The following SHMT1 variants were observed in gnomAD, a reference collection of about 807,000 sequenced individuals.
SHMT1 encodes serine hydroxymethyltransferase 1, also known as serine hydroxymethyltransferase, cytosolic.
Under a neutral mutation model 49.0 loss-of-function variants are expected in SHMT1, and 45 were observed. That is an observed-to-expected ratio of 0.92 (90% confidence interval 0.72 to 1.18). SHMT1 has a LOEUF of 1.18. Among genes scored for constraint, SHMT1 ranks in the 50% most tolerant of loss-of-function variants. The pLI is 0.00. For synonymous variants in SHMT1, 232 were observed against 246.6 expected (o/e 0.94, Z 0.55); for missense variants, 541 against 612.4 (o/e 0.88, Z 1.23).
chr17:18,347,791 G>A (rs1985250328), intron 4 of SHMT1, 135 bp from the exon 5 acceptor site: 5 of 909,050 alleles, frequency 5.5e-6, no homozygotes, highest in Middle Eastern at 2.8e-4. Flanking sequence ...TCCAGGAGGT[G>A]CCCCTTCACC....
chr17:18,330,402 C>CT (rs1983067180), intron 10 of SHMT1, among the ~76,000 whole-genome samples, 153 bp downstream of exon 10: 1 of 151,186 alleles, frequency 6.6e-6, no homozygotes, highest in African/African-American at 2.5e-5. Flanking sequence ...TCCCAAAGTG[C>CT]CGGGATTACA....
Position 18,330,680 on chromosome 17 carries a change from A to C in SHMT1, c.1055-9T>G, listed in dbSNP as rs1045284553. On this transcript the variant is annotated splice_polypyrimidine_tract_variant and intron_variant, in intron 9 of 11. Transcript: ENST00000316694. ...ATGGTTGTCAGAACCACCTGGAAAC[A>C]AAGTTGGACATGTAGAAATGCAGGC... 6.3e-7 allele frequency: 1 copy of C among 1,587,852 alleles called. No individual in the cohort carries two copies. Among genetic ancestry groups the C allele is most frequent in the African/African-American group, 1.3e-5 (1 of 74,442 alleles).
At position 18,328,786 on chromosome 17, in the gene SHMT1, G is replaced by A. The variant is rs755510805; in HGVS notation, c.1416C>T (p.Ala472=). 4.1e-5 allele frequency: 65 copies of A among 1,598,698 alleles called. No homozygotes were observed. The highest frequency in any genetic ancestry group is 5.5e-5 in the Non-Finnish European group (64 of 1,172,408). The change falls in exon 12 of 12, where the codon GCC becomes GCT. Residue 472 remains alanine, a synonymous_variant. Transcript: ENST00000316694. ...QALREEVESF[A]SLFPLPGLPD... is the part of the protein sequence containing the mutation. ...GCAGGCCAGGCAGAGGGAAGAGAGA[G>A]GCGAAGCTCTCAACCTCCTCCCGGA...
chr17:18,330,553 A>C lies in SHMT1; in HGVS notation c.1171+2T>G. 1 of 1,597,174 alleles carries C rather than the reference A, an allele frequency of 6.3e-7. No individual in the cohort carries two copies. The highest frequency in any genetic ancestry group is 1.1e-5 in the South Asian group (1 of 90,762). ...GAAGGAGAAGGCAAGGATGATTCTC[A>C]CCTGGACAGGTGTTCTTGTTGCAGG... On this transcript the variant is annotated splice_donor_variant, in intron 10 of 11. Transcript: ENST00000316694. LOFTEE classifies it high-confidence loss of function.
At chr17:18,339,937 A>G in intron 7 of SHMT1, 106 bp downstream of exon 7, 3 of 1,107,554 alleles carry the variant, frequency 2.7e-6, no homozygotes, top group Non-Finnish European at 4.0e-6. Context: ...ATATTTTCCA[A>G]GGATCCCAGG....
In SHMT1 at chr17:18,347,650, G is replaced by A. The variant is rs780266045; in HGVS notation, c.365C>T (p.Pro122Leu). The A allele has an allele frequency of 1.2e-6, 2 of 1,614,018 alleles. No individual in the cohort carries two copies. The highest frequency in any genetic ancestry group is 1.7e-6 in the Non-Finnish European group (2 of 1,180,044). The change falls in exon 5 of 12, where the codon CCT becomes CTT. Residue 122 changes from proline to leucine, a missense_variant. Transcript: ENST00000316694. ...GGCAGTGTACACAGCAAAGTTTGCA[G>A]GGGAGCCTGAAACGAGTGGACCAGA... ...GVNVQPYSGS[P>L]ANFAVYTALV...
chr17:18,336,105 C>A (rs764967934), intron 7 of SHMT1, among the ~76,000 whole-genome samples: 2 of 151,838 alleles, frequency 1.3e-5, no homozygotes, highest in Non-Finnish European at 2.9e-5. Flanking sequence ...GGTGAAACCC[C>A]GTCTCTACTA....
intron 1 of SHMT1, among the ~76,000 whole-genome samples, chr17:18,359,571 G>T (rs1986559847): frequency 6.6e-6 from 1 of 151,892 alleles, no homozygotes; most frequent in South Asian, 2.1e-4. Context: ...AGACTTACTT[G>T]AGCCTCAGAG....
chr17:18,362,870 A>G (rs894817898), intron 1 of SHMT1: 1 of 152,264 alleles, frequency 6.6e-6, no homozygotes, highest in African/African-American at 2.4e-5. Flanking sequence ...GGCACGGGCC[A>G]AAAGTGGAGC....
chr17:18,361,180 C>T (rs1986722328), intron 1 of SHMT1, among the ~76,000 whole-genome samples: 2 of 151,444 alleles, frequency 1.3e-5, no homozygotes, highest in African/African-American at 2.4e-5. Context: ...TGGTGCGCAC[C>T]TGTAACCCCA....
chr17:18,347,918 T>G (rs4924850), intron 4 of SHMT1, among the ~76,000 whole-genome samples: 6,024 of 150,110 alleles, frequency 0.04, 309 homozygotes, highest in African/African-American at 0.12. Context: ...ATGGCAGTTT[T>G]TTTTTTTTTT....
chr17:18,343,185 A>G (rs945383532), intron 5 of SHMT1, among the ~76,000 whole-genome samples: 7 of 152,176 alleles, frequency 4.6e-5, no homozygotes, highest in African/African-American at 1.7e-4. Context: ...TGCATCCCAT[A>G]ATTATATATA....
intron 10 of SHMT1, 131 bp from the exon 11 acceptor site, chr17:18,329,519 C>G: frequency 1.3e-6 from 1 of 743,052 alleles, no homozygotes; most frequent in Non-Finnish European, 2.3e-6. Flanking sequence ...AGGAGTACAA[C>G]TGATTCAGAA....
Position 18,361,313 on chromosome 17 carries a change from A to AC in SHMT1, c.-20+2058_-20+2059insG, listed in dbSNP as rs1308628217. Among the ~76,000 whole-genome samples the AC allele has an allele frequency of 3.7e-4, 55 of 149,778 alleles. 2 individuals are homozygous for AC. The highest frequency in any genetic ancestry group is 1.2e-3 in the African/African-American group (48 of 40,770). On this transcript the variant is annotated intron_variant, in intron 1 of 11. Transcript: ENST00000316694. ...GACTCTGTCTCAAAAAAAAAAAAAA[A>AC]AACAAAAACAAAAATTAGCCAGGCA...
Position 18,340,431 on chromosome 17 carries a change from C to CT in SHMT1, c.602-177dup, listed in dbSNP as rs551267886. On this transcript the variant is annotated intron_variant, in intron 6 of 11. Transcript: ENST00000316694. This position sits in a 1 kb window ranked among gnomAD's most constrained non-coding sequence, Gnocchi z 4.5. Reference sequence around the variant, plus strand: ...CACCTCTGTGCTAAAGGCAACCACTCTAACTCTTCAACGTCTTGGTGGTTG... The same window carrying CT: ...CACCTCTGTGCTAAAGGCAACCACTCTTAACTCTTCAACGTCTTGGTGGTTG... 3.0e-3 allele frequency: 2,168 copies of CT among 734,780 alleles called. 8 individuals carry two copies. The highest frequency in any genetic ancestry group is 4.4e-3 in the Non-Finnish European group (1,862 of 426,464). 45.5% of individuals were successfully genotyped at this position (734,780 alleles called of 1,614,324 possible).
At chr17:18,357,206 G>A (rs1986317943) in intron 1 of SHMT1, among the ~76,000 whole-genome samples, 1 of 141,970 alleles carries the variant, frequency 7.0e-6, no homozygotes, top group South Asian at 2.2e-4. Context: ...TCTTGAATCT[G>A]GGAGGCAGAG....
chr17:18,361,719 G>A (rs1986796204), intron 1 of SHMT1, among the ~76,000 whole-genome samples: 1 of 151,770 alleles, frequency 6.6e-6, no homozygotes, highest in Admixed American at 6.6e-5. Context: ...CCGGGAGGCG[G>A]AGCTTGCAGT....
At position 18,328,819 on chromosome 17, in the gene SHMT1, C is replaced by T. The variant is rs140013206; in HGVS notation, c.1383G>A (p.Val461=). ...TCTCAACCTCCTCCCGGAGAGCCTG[C>T]ACGGCCGCCTGGTACTTATCCCCTG... The part of the protein sequence containing the change: ...RLAGDKYQAA[V]QALREEVESF... The change falls in exon 12 of 12, where the codon GTG becomes GTA. Residue 461 remains valine, a synonymous_variant. Transcript: ENST00000316694. The T allele has an allele frequency of 9.2e-5, 148 of 1,612,558 alleles. No individual in the cohort carries two copies. The highest frequency in any genetic ancestry group is 8.8e-4 in the Admixed American group (53 of 59,914).
intron 9 of SHMT1, 139 bp from the exon 10 acceptor site, chr17:18,330,810 T>C (rs542408938): frequency 1.4e-6 from 1 of 704,742 alleles, no homozygotes; most frequent in African/African-American, 1.7e-5. Flanking sequence ...TGGCCTGGGA[T>C]TCTAATCCCC....
Sources: allele counts gnomAD v4.1 joint callset (sites outside exome capture counted in the v4.1 genomes callset), GRCh38; gene constraint gnomAD v4.1.1; non-coding constraint Gnocchi (gnomAD v3.1); transcripts MANE v1.5; gene names NCBI Gene and HGNC (gene_info 2026-07-23, HGNC 2026-07-21).